PDXDC1: variants seen among roughly 807,000 people sequenced by gnomAD.
PDXDC1 encodes pyridoxal dependent decarboxylase domain containing 1.
PDXDC1 carries 42 observed loss-of-function variants against 100.1 expected under a neutral mutation model. That is an observed-to-expected ratio of 0.42 (90% CI 0.33 to 0.54). The LOEUF (loss-of-function observed/expected upper bound fraction) is 0.54, where lower values mean the gene tolerates loss of function less well. Ranked by LOEUF, PDXDC1 falls within the 20% of genes least tolerant of loss-of-function variation. The probability of loss-of-function intolerance (pLI) is 0.10; values close to 1 mark genes in which losing one functional copy is unlikely to be tolerated. For synonymous variants in PDXDC1, 260 were observed against 371.7 expected, an observed-to-expected ratio of 0.70 and a Z score of 3.46; for missense variants, 636 against 979.2, an observed-to-expected ratio of 0.65 and a Z score of 4.68.
Position 15,038,261 on chromosome 16 carries a change from G to T in PDXDC1, c.*1986G>T. 7.7e-7 allele frequency: 1 copy of T among 1,300,708 alleles called. No individual in the cohort carries two copies. The allele number at this position is 1,300,708 out of a possible 1,614,324, so 80.6% of individuals were successfully genotyped here. ...AGAGAAGCCAACCTTACTGTCCCCT[G>T]CTGTGATAAAGATGTCAAAGTATCT... On this transcript the variant is annotated 3_prime_UTR_variant, in exon 23 of 23. Coordinates refer to ENST00000396410, the MANE Select transcript of PDXDC1 (RefSeq NM_015027.4).
At chr16:14,990,563 C>T (rs1970540136) in intron 1 of PDXDC1, among the ~76,000 whole-genome samples, 1 of 152,270 alleles carries the variant, frequency 6.6e-6, no homozygotes, top group South Asian at 2.1e-4. Context: ...TAATATTATC[C>T]TGAAACTGGA....
downstream of PDXDC1, among the ~76,000 whole-genome samples, chr16:15,142,406 C>G (rs1264287383): frequency 6.6e-6 from 1 of 152,146 alleles, no homozygotes. Flanking sequence ...CCAAGGCCCA[C>G]AAATGCAGCA....
At position 15,094,517 on chromosome 16, in the gene PDXDC1, C is replaced by T. The variant is rs1043824517; in HGVS notation, c.1400-44362C>T. On this transcript the variant is annotated intron_variant, in intron 16 of 16. Transcript: ENST00000535621. ...ATCCCGAAGAAAGGGTGGAAACACC[C>T]TGGATGTGCTAAGCTGTGGCCGGGT... The T allele has an allele frequency of 7.7e-6, 4 of 521,484 alleles. No individual in the cohort carries two copies. The African/African-American group carries it at 7.9e-5, about 10-fold the overall frequency. The allele number at this position is 521,484 out of a possible 1,614,324, so 32.3% of individuals were successfully genotyped here.
chr16:15,133,168 G>C, intron 16 of PDXDC1: 2 of 909,254 alleles, frequency 2.2e-6, no homozygotes, highest in South Asian at 1.4e-5. Context: ...TCTGGGGCCC[G>C]GGATAAGCCC....
intron 16 of PDXDC1, 129 bp from the exon 17 acceptor site, chr16:15,031,606 A>C (rs1469217219): frequency 4.2e-6 from 3 of 715,152 alleles, no homozygotes; most frequent in Non-Finnish European, 4.7e-6. Context: ...TTTTTTGTTT[A>C]AATCTCCATG....
intron 16 of PDXDC1, among the ~76,000 whole-genome samples, chr16:15,097,225 A>G (rs1324146113): frequency 2.0e-5 from 3 of 151,588 alleles, no homozygotes; most frequent in African/African-American, 7.3e-5. Context: ...CTATGACTAC[A>G]CCACGACACT....
chr16:15,104,280 T>C (rs1043730663), intron 16 of PDXDC1: 105 of 1,424,274 alleles, frequency 7.4e-5, no homozygotes, highest in Admixed American at 2.3e-4. Flanking sequence ...TACCAGATAT[T>C]GAAACAAAGC....
chr16:15,135,884 T>G, intron 16 of PDXDC1: 1 of 1,572,400 alleles, frequency 6.4e-7, no homozygotes. Flanking sequence ...AAAGCAGTAG[T>G]GCCCCACAGG....
intron 16 of PDXDC1, among the ~76,000 whole-genome samples, chr16:15,051,028 C>T (rs182163726): frequency 3.3e-5 from 5 of 152,338 alleles, no homozygotes; most frequent in Admixed American, 3.3e-4. Flanking sequence ...TTTTCTCATT[C>T]CACTTCTTGC....
At chr16:15,034,587 G>C (rs561690223) in intron 21 of PDXDC1, 34 bp downstream of exon 21, 50 of 1,514,898 alleles carry the variant, frequency 3.3e-5, no homozygotes, top group Middle Eastern at 4.1e-4. Flanking sequence ...AGGTCTTGCT[G>C]ACCTTGGGAG....
intron 16 of PDXDC1, chr16:15,133,398 G>A: frequency 1.8e-6 from 2 of 1,089,400 alleles, no homozygotes; most frequent in Admixed American, 1.9e-5. Flanking sequence ...CTGCCGTTGG[G>A]CTCTGGGAGG....
intron 16 of PDXDC1, chr16:15,086,092 T>C (rs773678733): frequency 6.3e-7 from 1 of 1,582,322 alleles, no homozygotes; most frequent in Admixed American, 1.7e-5. Context: ...AATAAAGAAG[T>C]ATTAAAAAGA....
intron 16 of PDXDC1, among the ~76,000 whole-genome samples, chr16:15,062,097 T>G (rs2044737910): frequency 6.6e-6 from 1 of 152,186 alleles, no homozygotes; most frequent in African/African-American, 2.4e-5. Context: ...GAGGACTGCT[T>G]GAGCTCAAGA....
intron 16 of PDXDC1, among the ~76,000 whole-genome samples, chr16:15,062,444 T>C (rs1597862350): frequency 2.0e-5 from 3 of 152,320 alleles, no homozygotes; most frequent in South Asian, 4.1e-4. Context: ...AAAAGCCATC[T>C]TGAAGCTGCT....
At chr16:15,095,010 G>A (rs1177985709) in intron 16 of PDXDC1, among the ~76,000 whole-genome samples, 5 of 151,790 alleles carry the variant, frequency 3.3e-5, no homozygotes, top group African/African-American at 1.2e-4. Context: ...GCTAATTTTC[G>A]TATTTTTAGT....
chr16:15,095,805 G>A (rs1410394775), intron 16 of PDXDC1, among the ~76,000 whole-genome samples: 3 of 151,120 alleles, frequency 2.0e-5, no homozygotes, highest in Non-Finnish European at 4.4e-5. Context: ...AGCCAAGATC[G>A]TGCCATTGCA....
At chr16:15,040,277 C>T (rs980256357), downstream of PDXDC1, 3 of 421,224 alleles carry the variant, frequency 7.1e-6, no homozygotes, top group South Asian at 6.4e-5. Flanking sequence ...GAGCTGGACT[C>T]GGTGAGATTT....
chr16:15,040,686 T>C (rs1372962109), downstream of PDXDC1, among the ~76,000 whole-genome samples: 1 of 152,086 alleles, frequency 6.6e-6, no homozygotes, highest in Admixed American at 6.6e-5. Flanking sequence ...TCCTGATGTA[T>C]AAAAGGATTC....
At chr16:15,140,344 T>G (rs1279112449), downstream of PDXDC1, among the ~76,000 whole-genome samples, 3 of 149,198 alleles carry the variant, frequency 2.0e-5, no homozygotes, top group Non-Finnish European at 4.4e-5. Context: ...CTCAGGAGGC[T>G]TAGGCAGGAG....
Sources: gnomAD v4.1 joint callset for allele counts (sites outside exome capture counted in the v4.1 genomes callset) on GRCh38, gnomAD v4.1.1 for gene constraint, MANE v1.5 for transcripts, NCBI Gene and HGNC (gene_info 2026-07-23, HGNC 2026-07-21) for gene names.